MAML3: variants seen among roughly 807,000 people sequenced by gnomAD.
MAML3 encodes the protein mastermind-like protein 3.
Under a neutral mutation model 101.9 loss-of-function variants are expected in MAML3, and 27 were observed. The ratio of observed to expected loss-of-function variants is 0.27; its 90% CI spans 0.20 to 0.37. The LOEUF is 0.37. Ranked by LOEUF, MAML3 falls within the 10% of genes least tolerant of loss-of-function variation. The probability of loss-of-function intolerance (pLI) is 1.00; values close to 1 mark genes in which losing one functional copy is unlikely to be tolerated. For synonymous variants in MAML3, 501 were observed against 555.9 expected (o/e 0.90, Z 1.39); for missense variants, 1,316 against 1,444.9 (o/e 0.91, Z 1.45).
At chr4:139,945,653 G>C (rs1733713425) in intron 1 of MAML3, among the ~76,000 whole-genome samples, 1 of 152,186 alleles carries the variant, frequency 6.6e-6, no homozygotes, top group African/African-American at 2.4e-5. Context: ...TTGTTTCACT[G>C]ATTTTAAGCA....
At chr4:140,144,788 T>C (rs1000391184) in intron 1 of MAML3, among the ~76,000 whole-genome samples, 20 of 152,304 alleles carry the variant, frequency 1.3e-4, no homozygotes, top group African/African-American at 4.8e-4. Flanking sequence ...GGATATAGTC[T>C]GTTTACCCAC....
chr4:139,734,769 A>G (rs1728865014), intron 2 of MAML3, among the ~76,000 whole-genome samples: 1 of 152,284 alleles, frequency 6.6e-6, no homozygotes, highest in African/African-American at 2.4e-5. Context: ...GTTTTCAAGA[A>G]CATGCATAGT....
At chr4:140,084,090 T>G (rs1029320070) in intron 1 of MAML3, among the ~76,000 whole-genome samples, 1 of 152,122 alleles carries the variant, frequency 6.6e-6, no homozygotes, top group African/African-American at 2.4e-5. Flanking sequence ...CTGAAATCTA[T>G]AATATGTCAC....
chr4:139,845,341 A>T (rs555889411), intron 2 of MAML3, among the ~76,000 whole-genome samples: 2 of 152,384 alleles, frequency 1.3e-5, no homozygotes, highest in Non-Finnish European at 1.5e-5. Context: ...ATATTCATTA[A>T]GAATGAAAAT....
intron 2 of MAML3, among the ~76,000 whole-genome samples, chr4:139,753,788 G>A (rs1427922662): frequency 6.6e-6 from 1 of 152,076 alleles, no homozygotes; most frequent in South Asian, 2.1e-4. Context: ...TTTCTCTCAT[G>A]CATATGCCAG....
chr4:140,002,766 C>T (rs1474737676), intron 1 of MAML3, among the ~76,000 whole-genome samples: 1 of 152,124 alleles, frequency 6.6e-6, no homozygotes, highest in Non-Finnish European at 1.5e-5. Context: ...GTGGCAAGTA[C>T]CGCTTGATTT....
intron 1 of MAML3, among the ~76,000 whole-genome samples, chr4:139,940,977 G>A (rs548166782): frequency 3.7e-4 from 57 of 152,296 alleles, no homozygotes; most frequent in Non-Finnish European, 5.9e-4. Context: ...TAGATCACAA[G>A]TGATGCTGAT....
intron 1 of MAML3, among the ~76,000 whole-genome samples, chr4:140,068,066 A>G (rs926361801): frequency 8.5e-5 from 13 of 152,056 alleles, no homozygotes; most frequent in Admixed American, 3.3e-4. Flanking sequence ...TTGTGAACAG[A>G]AAGGCCTTTT....
intron 1 of MAML3, among the ~76,000 whole-genome samples, chr4:139,909,836 C>CAAAAAAAAAAAAAAA (rs11379402): frequency 1.7e-5 from 1 of 58,730 alleles, no homozygotes; most frequent in African/African-American, 6.4e-5. Flanking sequence ...GATGCCGTCT[C>CAAAAAAAAAAAAAAA]AAAAAAAAAA....
chr4:139,908,761 C>A (rs1339392274), intron 1 of MAML3, among the ~76,000 whole-genome samples: 1 of 152,190 alleles, frequency 6.6e-6, no homozygotes, highest in East Asian at 1.9e-4. Flanking sequence ...TCATAAACTT[C>A]ATGTAAACAG....
chr4:139,884,964 G>A (rs1732297516), intron 2 of MAML3, among the ~76,000 whole-genome samples: 1 of 152,268 alleles, frequency 6.6e-6, no homozygotes, highest in South Asian at 2.1e-4. Context: ...GAAACAACAG[G>A]ATTAGGACGG....
intron 2 of MAML3, among the ~76,000 whole-genome samples, chr4:139,749,369 T>G (rs12505932): frequency 0.31 from 46,741 of 152,108 alleles, 9,191 homozygotes; most frequent in Non-Finnish European, 0.43. Context: ...TTTGGTGGCA[T>G]TAACATAGAT....
intron 2 of MAML3, among the ~76,000 whole-genome samples, chr4:139,804,865 G>A (rs1052083553): frequency 1.3e-5 from 2 of 152,150 alleles, no homozygotes; most frequent in African/African-American, 4.8e-5. Flanking sequence ...GTGCTGTTTA[G>A]TACTCACAAA....
At chr4:139,799,748 C>T (rs1224685999) in intron 2 of MAML3, among the ~76,000 whole-genome samples, 1 of 152,184 alleles carries the variant, frequency 6.6e-6, no homozygotes, top group Non-Finnish European at 1.5e-5. Context: ...CAAGACTGGA[C>T]TTTTGAATCA....
chr4:140,082,344 G>A (rs1727872034), intron 1 of MAML3, among the ~76,000 whole-genome samples: 2 of 152,120 alleles, frequency 1.3e-5, no homozygotes, highest in Admixed American at 6.5e-5. Flanking sequence ...CATTTTTCAG[G>A]CCTCGTCTAA....
intron 1 of MAML3, among the ~76,000 whole-genome samples, chr4:140,130,346 C>T (rs1049261003): frequency 2.6e-5 from 4 of 152,262 alleles, no homozygotes; most frequent in Non-Finnish European, 5.9e-5. Context: ...TTCTCACCCC[C>T]ATAATTTTAT....
At chr4:139,999,228 C>A (rs1034012533) in intron 1 of MAML3, among the ~76,000 whole-genome samples, 2 of 152,158 alleles carry the variant, frequency 1.3e-5, no homozygotes, top group African/African-American at 4.8e-5. Flanking sequence ...CCATACCCAA[C>A]CCACAGCCAC....
chr4:140,064,626 A>G (rs568793771), intron 1 of MAML3, among the ~76,000 whole-genome samples: 1 of 152,172 alleles, frequency 6.6e-6, no homozygotes, highest in Admixed American at 6.5e-5. Flanking sequence ...ATCAATAAGG[A>G]ACAAAACTTG....
intron 1 of MAML3, among the ~76,000 whole-genome samples, chr4:140,057,956 G>C (rs1450172959): frequency 3.5e-5 from 1 of 28,392 alleles, no homozygotes; most frequent in Non-Finnish European, 6.3e-5. Flanking sequence ...ACCTTTCTCT[G>C]AGTTGTGGGG....
Sources: gnomAD v4.1 joint callset for allele counts (sites outside exome capture counted in the v4.1 genomes callset) on GRCh38, gnomAD v4.1.1 for gene constraint, MANE v1.5 for transcripts, NCBI Gene and HGNC (gene_info 2026-07-23, HGNC 2026-07-21) for gene names.